SPAG9: variants seen among roughly 807,000 people sequenced by gnomAD.
SPAG9 encodes the protein sperm associated antigen 9, also known as C-Jun-amino-terminal kinase-interacting protein 4.
A neutral mutation model predicts 166.5 loss-of-function variants in SPAG9; 35 were observed. The observed-to-expected ratio is 0.21, with a 90% confidence interval of 0.16 to 0.28. The LOEUF (loss-of-function observed/expected upper bound fraction) is 0.28, where lower values mean the gene tolerates loss of function less well. SPAG9 is among the 10% of genes least tolerant of loss of function. The pLI, the probability that SPAG9 is intolerant of heterozygous loss-of-function variation, is 1.00. For synonymous variants in SPAG9, 534 were observed against 565.5 expected (o/e 0.94, Z 0.79); for missense variants, 1,235 against 1,603.3 (o/e 0.77, Z 3.92).
Position 50,977,372 on chromosome 17 carries a change from T to C in SPAG9, c.3410-151A>G, listed in dbSNP as rs1974278852. On this transcript the variant is annotated intron_variant, in intron 26 of 29. Coordinates refer to ENST00000262013, the MANE Select transcript of SPAG9 (RefSeq NM_001130528.3). ...TGATACAACACAGAGGAAATGTGAC[T>C]AGAGCTAGATGGATGTTTCCTGAAG... is the stretch of plus-strand genomic sequence containing the variant. The C allele has an allele frequency of 8.1e-6, 5 of 617,876 alleles. No homozygotes were observed. In the Admixed American group the frequency reaches 9.0e-5, roughly 11 times the overall value. 38.3% of individuals were successfully genotyped at this position (617,876 alleles called of 1,614,324 possible). A position where few individuals can be genotyped will look rare whatever the true frequency, so the allele number is the denominator to read the frequency against.
chr17:51,074,812 A>G (rs1598132191), intron 2 of SPAG9, among the ~76,000 whole-genome samples: 1 of 152,138 alleles, frequency 6.6e-6, no homozygotes. Context: ...CAAAAAAGGT[A>G]TGACTCTCTG....
chr17:50,981,716 C>CA (rs60390444), intron 25 of SPAG9, among the ~76,000 whole-genome samples: 2,538 of 127,410 alleles, frequency 0.02, 65 homozygotes, highest in African/African-American at 0.062. Context: ...TGTATTGTGA[C>CA]AAAAAAAAAA....
chr17:50,986,238 G>A (rs1975039697), intron 22 of SPAG9, among the ~76,000 whole-genome samples: 1 of 152,138 alleles, frequency 6.6e-6, no homozygotes, highest in Non-Finnish European at 1.5e-5. Context: ...GTGTGTGGGG[G>A]GGAAATCAAG....
rs1181430354 is a variant in SPAG9 at position 51,088,290 on chromosome 17, ATATT to A, written c.304-8590_304-8587del. On this transcript the variant is annotated intron_variant, in intron 1 of 29. Transcript: ENST00000262013. ...TGCTAGGCAGTTAGGCAGCATGATG[ATATT>A]TACTACAAACTAGGTAATGTCATTC... 4.6e-5 allele frequency among the ~76,000 whole-genome samples: 7 copies of A among 152,236 alleles called. No individual in the cohort carries two copies. The East Asian group carries it at 1.3e-3, about 29-fold the overall frequency.
chr17:51,050,245 C>G (rs1176810199), intron 3 of SPAG9, among the ~76,000 whole-genome samples: 1 of 152,126 alleles, frequency 6.6e-6, no homozygotes, highest in Non-Finnish European at 1.5e-5. Context: ...AAGGAAAGAA[C>G]TGACAACCAA....
At chr17:51,045,872 G>A (rs2047000372) in intron 4 of SPAG9, among the ~76,000 whole-genome samples, 1 of 152,180 alleles carries the variant, frequency 6.6e-6, no homozygotes, top group South Asian at 2.1e-4. Flanking sequence ...GGCAACATCT[G>A]ACAAAACAAT....
chr17:51,083,598 C>T (rs1406544632), intron 1 of SPAG9, among the ~76,000 whole-genome samples: 1 of 145,436 alleles, frequency 6.9e-6, no homozygotes, highest in African/African-American at 2.6e-5. Context: ...GTAGGTCTCA[C>T]TATGTTGTCA....
At chr17:50,987,327 G>C (rs1003394965) in intron 21 of SPAG9, 90 bp from the exon 22 acceptor site, 1 of 1,165,484 alleles carries the variant, frequency 8.6e-7, no homozygotes, top group African/African-American at 1.6e-5. Flanking sequence ...ATTTAAGTTT[G>C]TTCATTTGTT....
intron 12 of SPAG9, among the ~76,000 whole-genome samples, chr17:51,002,490 G>T (rs971555198): frequency 1.3e-5 from 2 of 152,118 alleles, no homozygotes; most frequent in Non-Finnish European, 2.9e-5. Flanking sequence ...AAAATAAAAA[G>T]AATAGTAGGG....
At chr17:50,980,242 G>A (rs1176702610) in intron 25 of SPAG9, among the ~76,000 whole-genome samples, 1 of 151,822 alleles carries the variant, frequency 6.6e-6, no homozygotes, top group Non-Finnish European at 1.5e-5. Context: ...CTTTACTCTT[G>A]TCGCCCAGGC....
At chr17:51,073,725 A>G (rs2144605891) in intron 2 of SPAG9, among the ~76,000 whole-genome samples, 1 of 152,302 alleles carries the variant, frequency 6.6e-6, no homozygotes, top group Non-Finnish European at 1.5e-5. Context: ...AAAAAACAAA[A>G]GGAAGAGAAA....
chr17:50,989,899 A>T, intron 20 of SPAG9, 27 bp from the exon 21 acceptor site: 1 of 1,600,220 alleles, frequency 6.2e-7, no homozygotes, highest in Non-Finnish European at 8.6e-7. Flanking sequence ...ACACTATTCC[A>T]AGTCTGGGCT....
intron 1 of SPAG9, among the ~76,000 whole-genome samples, chr17:51,083,806 T>C (rs2048234907): frequency 6.6e-6 from 1 of 152,032 alleles, no homozygotes; most frequent in African/African-American, 2.4e-5. Context: ...TTTGGAAATT[T>C]GATCCATCTA....
At chr17:51,085,847 C>A in intron 1 of SPAG9, among the ~76,000 whole-genome samples, 1 of 151,426 alleles carries the variant, frequency 6.6e-6, no homozygotes. Context: ...AAGCTATATA[C>A]ATTTATCAGT....
intron 28 of SPAG9, among the ~76,000 whole-genome samples, chr17:50,972,209 A>G (rs1208374234): frequency 6.6e-6 from 1 of 152,208 alleles, no homozygotes; most frequent in East Asian, 1.9e-4. Context: ...GCTTCAAACT[A>G]TTATAGTCTA....
intron 2 of SPAG9, among the ~76,000 whole-genome samples, chr17:51,069,022 C>T (rs1013503933): frequency 1.3e-5 from 2 of 151,972 alleles, no homozygotes; most frequent in Admixed American, 6.6e-5. Flanking sequence ...AAATAAGAAA[C>T]AGCTGATATA....
intron 4 of SPAG9, among the ~76,000 whole-genome samples, chr17:51,043,231 G>A (rs2046906565): frequency 6.6e-6 from 1 of 152,138 alleles, no homozygotes; most frequent in South Asian, 2.1e-4. Flanking sequence ...TTGCGACTAT[G>A]AGCTGCCGGG....
chr17:50,966,536 A>G (rs1238543473), intron 29 of SPAG9, 149 bp from the exon 30 acceptor site: 9 of 628,322 alleles, frequency 1.4e-5, no homozygotes, highest in Non-Finnish European at 2.6e-5. Context: ...AAGAAATACT[A>G]AGAGTCAGAA....
intron 21 of SPAG9, among the ~76,000 whole-genome samples, chr17:50,988,149 G>C (rs1398737243): frequency 2.0e-5 from 3 of 152,174 alleles, no homozygotes; most frequent in Non-Finnish European, 4.4e-5. Flanking sequence ...CTGGAAGGCG[G>C]AGGTTGCAGT....
Sources: gnomAD v4.1 joint callset for allele counts (sites outside exome capture counted in the v4.1 genomes callset) on GRCh38, gnomAD v4.1.1 for gene constraint, MANE v1.5 for transcripts, NCBI Gene and HGNC (gene_info 2026-07-23, HGNC 2026-07-21) for gene names.